CLYBL: variants seen among roughly 807,000 people sequenced by gnomAD.
CLYBL encodes citramalyl-CoA lyase.
CLYBL carries 31 observed loss-of-function variants against 38.9 expected under a neutral mutation model. That is an observed-to-expected ratio of 0.80 (90% confidence interval 0.60 to 1.08). The LOEUF is 1.08. Ranked by LOEUF, CLYBL falls within the 50% of genes least tolerant of loss-of-function variation. The pLI, the probability that CLYBL is intolerant of heterozygous loss-of-function variation, is 0.00. For missense variants in CLYBL, 434 were observed against 411.6 expected (o/e 1.05, Z -0.47); for synonymous variants, 171 against 158.6 (o/e 1.08, Z -0.59).
At chr13:99,736,617 TGAG>T (rs1428693652) in intron 1 of CLYBL, among the ~76,000 whole-genome samples, 5 of 152,254 alleles carry the variant, frequency 3.3e-5, no homozygotes, top group South Asian at 4.2e-4. Context: ...TGGTGCCACT[TGAG>T]GAGATGAAAT....
intron 7 of CLYBL, among the ~76,000 whole-genome samples, chr13:99,885,831 G>A (rs1350042507): frequency 6.6e-6 from 1 of 152,186 alleles, no homozygotes; most frequent in East Asian, 1.9e-4. Context: ...ATCATCTTCC[G>A]CCTTTCCTGA....
intron 1 of CLYBL, among the ~76,000 whole-genome samples, chr13:99,721,324 G>A: frequency 6.6e-6 from 1 of 151,992 alleles, no homozygotes; most frequent in Non-Finnish European, 1.5e-5. Flanking sequence ...GATTACAGGT[G>A]TGAGCCATGA....
chr13:99,684,035 ATTTTTT>A (rs778902077), intron 1 of CLYBL, among the ~76,000 whole-genome samples: 1 of 86,380 alleles, frequency 1.2e-5, no homozygotes, highest in Non-Finnish European at 2.2e-5. Context: ...TGCCTGGCTA[ATTTTTT>A]TTTTTTTTTT....
chr13:99,612,888 GC>G, intron 1 of CLYBL, among the ~76,000 whole-genome samples: 1 of 152,086 alleles, frequency 6.6e-6, no homozygotes, highest in African/African-American at 2.4e-5. Flanking sequence ...GGTGGCTCAT[GC>G]CTGTGATCCT....
chr13:99,863,471 GTC>G (rs2051661016), intron 4 of CLYBL, among the ~76,000 whole-genome samples: 1 of 98,482 alleles, frequency 1.0e-5, no homozygotes, highest in East Asian at 6.6e-4. Flanking sequence ...TCTATCAAAT[GTC>G]TTTTCAGTGG....
intron 1 of CLYBL, among the ~76,000 whole-genome samples, chr13:99,608,847 C>CTTTTTTTTTTTTTTTTTTTT (rs57961216): frequency 8.0e-5 from 7 of 87,886 alleles, no homozygotes; most frequent in African/African-American, 2.2e-4. Flanking sequence ...AGTGATGAGT[C>CTTTTTTTTTTTTTTTTTTTT]TTTTTTTTTT....
chr13:99,646,510 C>CTTTTT (rs140419884), intron 1 of CLYBL, among the ~76,000 whole-genome samples: 2 of 109,244 alleles, frequency 1.8e-5, no homozygotes, highest in Admixed American at 9.7e-5. Flanking sequence ...TTACAGAAAT[C>CTTTTT]TTTTTTTTTT....
intron 7 of CLYBL, chr13:99,884,953 C>T (rs781452242): frequency 2.1e-6 from 1 of 472,482 alleles, no homozygotes. Flanking sequence ...TCACCAACTA[C>T]CGAACTTGTG....
chr13:99,629,630 G>T (rs190465512), intron 1 of CLYBL, among the ~76,000 whole-genome samples: 8 of 152,302 alleles, frequency 5.3e-5, no homozygotes, highest in Admixed American at 5.2e-4. Context: ...GGCAGCTTGA[G>T]AGGCTTCCCA....
rs147915900 is a variant in CLYBL at position 99,734,403 on chromosome 13, T to TA, written c.63-38409dup. ...TAAGAAAAGTAAGAGAAATTGAGATTAAAAAAAAAAAACAAAACGGAGGAG... is the reference window on the plus strand; with the variant it reads ...TAAGAAAAGTAAGAGAAATTGAGATTAAAAAAAAAAAAACAAAACGGAGGAG... On this transcript the variant is annotated intron_variant, in intron 1 of 8. Coordinates refer to ENST00000339105, the MANE Select transcript of CLYBL (RefSeq NM_206808.5). 4.8e-3 allele frequency among the ~76,000 whole-genome samples: 694 copies of TA among 143,842 alleles called. 2 individuals are homozygous for TA. Among genetic ancestry groups the TA allele is most frequent in the African/African-American group, 0.013 (525 of 39,488 alleles). The allele number at this position is 143,842 out of a possible 152,430, so 94.4% of individuals were successfully genotyped here. A position where few individuals can be genotyped will look rare whatever the true frequency, so the allele number is the denominator to read the frequency against.
At chr13:99,897,871 G>C (rs1229491928), downstream of CLYBL, among the ~76,000 whole-genome samples, 1 of 151,958 alleles carries the variant, frequency 6.6e-6, no homozygotes, top group Non-Finnish European at 1.5e-5. Flanking sequence ...CGCTTGACCC[G>C]GGAGGCAGAG....
rs1566340085 is a variant in CLYBL, at chr13:99,819,436, ATATATATATATATATATATATATATATAT to A, written c.250-39424_250-39396del. Among the ~76,000 whole-genome samples the A allele has an allele frequency of 3.4e-3, 263 of 76,786 alleles. 5 individuals carry two copies. The highest frequency in any genetic ancestry group is 5.3e-3 in the Non-Finnish European group (204 of 38,800). The allele number at this position is 76,786 out of a possible 152,430, so 50.4% of individuals were successfully genotyped here. ...AAAATTTATATATATATATATATATATATATATATATATATATATATATATATATATAATATTTGTCAGGGTTGTCTGGG... is the reference window on the plus strand; with the variant it reads ...AAAATTTATATATATATATATATATAATAATATTTGTCAGGGTTGTCTGGG... On this transcript the variant is annotated intron_variant, in intron 2 of 8. Coordinates refer to ENST00000339105, the MANE Select transcript of CLYBL (RefSeq NM_206808.5).
intron 1 of CLYBL, among the ~76,000 whole-genome samples, chr13:99,614,621 C>T (rs2793760): frequency 0.31 from 46,554 of 151,946 alleles, 8,482 homozygotes; most frequent in Non-Finnish European, 0.41. Flanking sequence ...GCCTGCTGAA[C>T]GGCCTCACCT....
chr13:99,851,679 G>A (rs534321739), intron 2 of CLYBL, among the ~76,000 whole-genome samples: 3 of 152,246 alleles, frequency 2.0e-5, no homozygotes, highest in South Asian at 4.2e-4. Flanking sequence ...AAAGACATGT[G>A]GTAGTAAGTT....
At chr13:99,826,134 C>G (rs577426457) in intron 2 of CLYBL, among the ~76,000 whole-genome samples, 19 of 152,204 alleles carry the variant, frequency 1.2e-4, no homozygotes, top group Admixed American at 5.2e-4. Flanking sequence ...GGCTATAGTA[C>G]CCGGTTATTT....
intron 2 of CLYBL, among the ~76,000 whole-genome samples, chr13:99,787,659 C>T (rs2049825349): frequency 6.6e-6 from 1 of 152,150 alleles, no homozygotes; most frequent in Non-Finnish European, 1.5e-5. Flanking sequence ...GTTCTTTTGG[C>T]TTAGGATTGA....
rs372612527 is a variant in CLYBL, at chr13:99,772,895, G to A, written c.134G>A (p.Arg45Gln). ...TCATCCCATCACAAGTACATCCCCC[G>A]GAGGGCAGTGCTTTATGTACCTGGA... Reference protein sequence around the residue: ...SSSSHHKYIPRRAVLYVPGND... With the variant: ...SSSSHHKYIPQRAVLYVPGND... The change falls in exon 2 of 9, where the codon CGG becomes CAG. Residue 45 changes from arginine to glutamine, a missense_variant. Physicochemically the swap from Arg to Gln is conservative, Grantham distance 43. Coordinates refer to ENST00000339105, the MANE Select transcript of CLYBL (RefSeq NM_206808.5). 8.3e-5 allele frequency: 134 copies of A among 1,613,286 alleles called. No individual in the cohort carries two copies. Among genetic ancestry groups the A allele is most frequent in the Non-Finnish European group, 1.0e-4 (122 of 1,179,794 alleles).
chr13:99,891,286 C>G (rs1456782721), intron 7 of CLYBL, 32 bp from the exon 8 acceptor site: 2 of 1,481,066 alleles, frequency 1.4e-6, no homozygotes, highest in Non-Finnish European at 1.9e-6. Context: ...TTCGAGTATT[C>G]TTTCAGGAAG....
chr13:99,817,757 C>T (rs2050489479), intron 2 of CLYBL, among the ~76,000 whole-genome samples: 1 of 151,772 alleles, frequency 6.6e-6, no homozygotes, highest in Non-Finnish European at 1.5e-5. Flanking sequence ...AATCCTAGCA[C>T]TTCGGGAGGC....
Sources: allele counts gnomAD v4.1 joint callset (sites outside exome capture counted in the v4.1 genomes callset), GRCh38; gene constraint gnomAD v4.1.1; transcripts MANE v1.5; gene names NCBI Gene and HGNC (gene_info 2026-07-23, HGNC 2026-07-21).